Variants in ANKS1B observed in about 807,000 individuals in gnomAD.
ANKS1B encodes the protein ankyrin repeat and sterile alpha motif domain containing 1B.
A neutral mutation model predicts 148.3 loss-of-function variants in ANKS1B; 36 were observed. That is an observed-to-expected ratio of 0.24 (90% CI 0.19 to 0.32). ANKS1B has a LOEUF of 0.32. Among genes scored for constraint, ANKS1B ranks in the 10% least tolerant of loss-of-function variants. The probability of loss-of-function intolerance (pLI) is 1.00; values close to 1 mark genes in which losing one functional copy is unlikely to be tolerated. For missense variants in ANKS1B, 1,157 were observed against 1,542.6 expected (o/e 0.75, Z 4.19); for synonymous variants, 542 against 560.8 (o/e 0.97, Z 0.47).
intron 22 of ANKS1B, among the ~76,000 whole-genome samples, chr12:98,791,026 C>T (rs1163140792): frequency 6.6e-6 from 1 of 152,156 alleles, no homozygotes; most frequent in East Asian, 1.9e-4. Context: ...GCTCTTTAGC[C>T]TTCTAGAGTA....
At chr12:98,748,912 G>A (rs1400413743) in intron 26 of ANKS1B, among the ~76,000 whole-genome samples, 2 of 152,180 alleles carry the variant, frequency 1.3e-5, no homozygotes, top group Non-Finnish European at 2.9e-5. Flanking sequence ...GAATACAATA[G>A]TCTAAGAGAT....
At chr12:99,833,697 C>A (rs2084383661) in intron 1 of ANKS1B, among the ~76,000 whole-genome samples, 1 of 152,070 alleles carries the variant, frequency 6.6e-6, no homozygotes. Context: ...GAAAATACTG[C>A]AAATTAACTG....
chr12:99,530,832 T>C (rs1231351351), intron 9 of ANKS1B, among the ~76,000 whole-genome samples: 5 of 152,172 alleles, frequency 3.3e-5, no homozygotes, highest in Admixed American at 2.0e-4. Flanking sequence ...AGGACAATCA[T>C]GATCATCCAA....
chr12:99,799,188 A>T (rs997013804), intron 4 of ANKS1B, among the ~76,000 whole-genome samples: 1 of 152,068 alleles, frequency 6.6e-6, no homozygotes, highest in Non-Finnish European at 1.5e-5. Flanking sequence ...TGATTACATG[A>T]AATTGTGCTG....
At chr12:98,764,491 G>T (rs924083532) in intron 25 of ANKS1B, among the ~76,000 whole-genome samples, 3 of 152,046 alleles carry the variant, frequency 2.0e-5, no homozygotes, top group Non-Finnish European at 4.4e-5. Flanking sequence ...GCCTCCTAAA[G>T]TGCTGGGATT....
intron 9 of ANKS1B, among the ~76,000 whole-genome samples, chr12:99,617,595 A>T (rs970243666): frequency 6.6e-6 from 1 of 152,150 alleles, no homozygotes; most frequent in Non-Finnish European, 1.5e-5. Flanking sequence ...CAATGAGAAC[A>T]CATGGACCTG....
chr12:98,960,353 A>T (rs1463267422), intron 17 of ANKS1B, among the ~76,000 whole-genome samples: 1 of 152,178 alleles, frequency 6.6e-6, no homozygotes, highest in African/African-American at 2.4e-5. Flanking sequence ...TATGTCTGGA[A>T]ATCCAAAGAA....
chr12:99,463,653 C>G (rs1008106165), intron 10 of ANKS1B, among the ~76,000 whole-genome samples: 1 of 152,210 alleles, frequency 6.6e-6, no homozygotes, highest in Non-Finnish European at 1.5e-5. Flanking sequence ...GTGCATGGCT[C>G]GGAGGGTCCT....
chr12:98,935,784 G>C (rs755556594), intron 17 of ANKS1B, among the ~76,000 whole-genome samples: 1 of 152,170 alleles, frequency 6.6e-6, no homozygotes, highest in African/African-American at 2.4e-5. Flanking sequence ...GATTCTATTT[G>C]TGGGTCTCTA....
At chr12:99,512,883 C>T (rs1031174570) in intron 9 of ANKS1B, among the ~76,000 whole-genome samples, 1 of 151,818 alleles carries the variant, frequency 6.6e-6, no homozygotes, top group Non-Finnish European at 1.5e-5. Flanking sequence ...GGGAAAAACA[C>T]ACACTGGGGC....
At chr12:99,758,093 G>A (rs368498244) in intron 8 of ANKS1B, among the ~76,000 whole-genome samples, 3 of 151,736 alleles carry the variant, frequency 2.0e-5, no homozygotes, top group Non-Finnish European at 2.9e-5. Flanking sequence ...TAAAATAGAC[G>A]TAAAAAAAGT....
At chr12:99,973,884 A>G (rs905046183) in intron 1 of ANKS1B, among the ~76,000 whole-genome samples, 7 of 152,206 alleles carry the variant, frequency 4.6e-5, no homozygotes, top group Admixed American at 3.3e-4. Flanking sequence ...ACATTGCTGA[A>G]ACATCAACAA....
chr12:98,922,892 G>A (rs560888147), intron 17 of ANKS1B, among the ~76,000 whole-genome samples: 1 of 152,270 alleles, frequency 6.6e-6, no homozygotes, highest in Non-Finnish European at 1.5e-5. Context: ...GAAATTCATA[G>A]AAAAACATGG....
chr12:99,591,410 T>C (rs764732190), intron 9 of ANKS1B, among the ~76,000 whole-genome samples: 2 of 152,114 alleles, frequency 1.3e-5, no homozygotes, highest in Admixed American at 6.6e-5. Flanking sequence ...TTCAGACTTA[T>C]AACAAGTGTT....
chr12:99,670,013 C>T (rs1018588934), intron 8 of ANKS1B, among the ~76,000 whole-genome samples: 4 of 152,050 alleles, frequency 2.6e-5, no homozygotes, highest in Non-Finnish European at 5.9e-5. Flanking sequence ...TATTTTTGTC[C>T]AGTATTCAGC....
chr12:98,796,607 T>C (rs1057463277), intron 22 of ANKS1B, among the ~76,000 whole-genome samples: 1 of 152,210 alleles, frequency 6.6e-6, no homozygotes, highest in Non-Finnish European at 1.5e-5. Flanking sequence ...TGGTGAAATG[T>C]AGTGAATGCA....
Position 99,226,600 on chromosome 12 carries a change from G to A in ANKS1B, c.2419+17742C>T, listed in dbSNP as rs552997373. On this transcript the variant is annotated intron_variant, in intron 14 of 26. Coordinates refer to ENST00000683438, the MANE Select transcript of ANKS1B (RefSeq NM_001352186.2). ...TAATACACATGTCACACGGACAAAC[G>A]TATTCATTTTCCTAATTGATGGCTA... Among the ~76,000 whole-genome samples the A allele has an allele frequency of 1.9e-3, 289 of 152,244 alleles. 3 individuals carry two copies. The highest frequency in any genetic ancestry group is 3.4e-3 in the Middle Eastern group (1 of 294).
intron 1 of ANKS1B, among the ~76,000 whole-genome samples, chr12:99,925,883 CA>C (rs2094467167): frequency 6.6e-6 from 1 of 152,158 alleles, no homozygotes; most frequent in Admixed American, 6.5e-5. Flanking sequence ...AAACATTACC[CA>C]TCTAACATTT....
At chr12:99,400,179 A>ACT (rs1477961090) in intron 11 of ANKS1B, among the ~76,000 whole-genome samples, 1 of 111,978 alleles carries the variant, frequency 8.9e-6, no homozygotes, top group African/African-American at 3.8e-5. Context: ...TGCCAGACCC[A>ACT]GAGGATATAG....
Sources: gnomAD v4.1 joint callset for allele counts (sites outside exome capture counted in the v4.1 genomes callset) on GRCh38, gnomAD v4.1.1 for gene constraint, MANE v1.5 for transcripts, NCBI Gene and HGNC (gene_info 2026-07-23, HGNC 2026-07-21) for gene names.